The following VTI1A variants were observed in gnomAD, a reference collection of about 807,000 sequenced individuals.
The protein encoded by VTI1A is vesicle transport through interaction with t-SNAREs 1A.
A neutral mutation model predicts 34.9 loss-of-function variants in VTI1A; 22 were observed. That is an observed-to-expected ratio of 0.63 (90% CI 0.45 to 0.90). VTI1A has a LOEUF of 0.90. Ranked by LOEUF, VTI1A falls within the 40% of genes least tolerant of loss-of-function variation. The probability of loss-of-function intolerance (pLI) is 0.00; values close to 1 mark genes in which losing one functional copy is unlikely to be tolerated. For missense variants in VTI1A, 268 were observed against 275.6 expected (o/e 0.97, Z 0.20); for synonymous variants, 87 against 97.3 (o/e 0.89, Z 0.62).
At chr10:112,450,215 G>T (rs1351140047) in intron 1 of VTI1A, 1 of 152,188 alleles carries the variant, frequency 6.6e-6, no homozygotes, top group Non-Finnish European at 1.5e-5. Flanking sequence ...TAAAAACGCA[G>T]TAGTTGCCCT....
At chr10:112,518,080 CA>C (rs1307051558) in intron 3 of VTI1A, among the ~76,000 whole-genome samples, 9 of 151,912 alleles carry the variant, frequency 5.9e-5, no homozygotes, top group African/African-American at 2.2e-4. Flanking sequence ...AAAACATGGC[CA>C]ATAATTTTGA....
At chr10:112,668,164 ACT>A (rs1847711429) in intron 5 of VTI1A, 52 bp from the exon 6 acceptor site, 1 of 1,451,084 alleles carries the variant, frequency 6.9e-7, no homozygotes, top group Admixed American at 1.7e-5. Flanking sequence ...TCTGAGATTT[ACT>A]CTCATATGCA....
intron 5 of VTI1A, among the ~76,000 whole-genome samples, chr10:112,552,049 T>TA (rs1224684093): frequency 6.6e-6 from 1 of 152,250 alleles, no homozygotes; most frequent in African/African-American, 2.4e-5. Flanking sequence ...TGGAGGTTTT[T>TA]AATGCTTTAA....
At chr10:112,578,905 T>C (rs924669816) in intron 5 of VTI1A, among the ~76,000 whole-genome samples, 1 of 152,372 alleles carries the variant, frequency 6.6e-6, no homozygotes, top group African/African-American at 2.4e-5. Flanking sequence ...AGTGGTGATA[T>C]ACTTGTCATT....
chr10:112,742,560 G>A (rs1255525137), intron 7 of VTI1A, among the ~76,000 whole-genome samples: 1 of 152,174 alleles, frequency 6.6e-6, no homozygotes, highest in Non-Finnish European at 1.5e-5. Flanking sequence ...CAAATGTCTC[G>A]AAAGAGTCCA....
intron 7 of VTI1A, among the ~76,000 whole-genome samples, chr10:112,770,496 C>G (rs1319770531): frequency 2.0e-5 from 3 of 151,164 alleles, no homozygotes; most frequent in Non-Finnish European, 2.9e-5. Flanking sequence ...CCCAGGTTCA[C>G]GCCATTCTCC....
intron 7 of VTI1A, among the ~76,000 whole-genome samples, chr10:112,671,634 G>C (rs576360083): frequency 6.6e-6 from 1 of 152,132 alleles, no homozygotes; most frequent in South Asian, 2.1e-4. Flanking sequence ...GCCATTTTAC[G>C]TATGGTCTGT....
chr10:112,623,758 GA>G (rs1394195041), intron 5 of VTI1A, among the ~76,000 whole-genome samples: 1 of 152,102 alleles, frequency 6.6e-6, no homozygotes, highest in East Asian at 1.9e-4. Flanking sequence ...GGAGGGGCTA[GA>G]AAAAAATACT....
At chr10:112,657,807 GTGTGTGTGTGTGTT>G (rs1281945181) in intron 5 of VTI1A, among the ~76,000 whole-genome samples, 3 of 146,006 alleles carry the variant, frequency 2.1e-5, no homozygotes, top group African/African-American at 8.4e-5. Context: ...ACTATATTGT[GTGTGTGTGTGTGTT>G]TGTGTGTGTA....
chr10:112,698,521 T>C (rs1180932032), intron 7 of VTI1A, among the ~76,000 whole-genome samples: 1 of 152,206 alleles, frequency 6.6e-6, no homozygotes, highest in African/African-American at 2.4e-5. Context: ...TTTATTGTGT[T>C]AAGTTAGGAC....
chr10:112,520,483 G>A (rs1195299294), intron 3 of VTI1A, among the ~76,000 whole-genome samples: 2 of 151,940 alleles, frequency 1.3e-5, no homozygotes, highest in Non-Finnish European at 2.9e-5. Context: ...CATAATTTCT[G>A]GGATCTCTGT....
At chr10:112,650,944 A>G (rs989122093) in intron 5 of VTI1A, among the ~76,000 whole-genome samples, 7 of 152,246 alleles carry the variant, frequency 4.6e-5, no homozygotes, top group African/African-American at 9.6e-5. Context: ...TCATCTGTTT[A>G]TATGACTGAT....
At chr10:112,849,389 A>G in the VTI1A span, among the ~76,000 whole-genome samples, 1 of 152,284 alleles carries the variant, frequency 6.6e-6, no homozygotes, top group East Asian at 1.9e-4. Flanking sequence ...CTGAAACCCC[A>G]TTTGTGGAGA....
intron 7 of VTI1A, among the ~76,000 whole-genome samples, chr10:112,715,155 T>A (rs1248802489): frequency 1.3e-5 from 2 of 152,182 alleles, no homozygotes; most frequent in Non-Finnish European, 2.9e-5. Context: ...TTGAGAATAT[T>A]CAAGAACAAA....
intron 7 of VTI1A, among the ~76,000 whole-genome samples, chr10:112,677,122 G>A (rs1360808479): frequency 6.6e-6 from 1 of 152,188 alleles, no homozygotes; most frequent in Non-Finnish European, 1.5e-5. Context: ...GAGAACCTGT[G>A]CAGGGGACGG....
rs548409887 is a variant in VTI1A at position 112,759,518 on chromosome 10, G to A, written c.561-55772G>A. Among the ~76,000 whole-genome samples the A allele has an allele frequency of 2.0e-5, 3 of 152,240 alleles. No individual in the cohort carries two copies. The South Asian group carries it at 6.2e-4, about 32-fold the overall frequency. ...CCGAACCAACGTTTAGCGACACTGC[G>A]TTAGAAAGTATTTTTGTTGGAAACA... On this transcript the variant is annotated intron_variant, in intron 7 of 7. Transcript: ENST00000393077.
chr10:112,494,094 T>G (rs1318372308), intron 3 of VTI1A, among the ~76,000 whole-genome samples: 1 of 152,166 alleles, frequency 6.6e-6, no homozygotes, highest in African/African-American at 2.4e-5. Flanking sequence ...GTCTGAGCTT[T>G]CTGTGTGAAA....
chr10:112,584,288 A>T (rs1252457609), intron 5 of VTI1A, among the ~76,000 whole-genome samples: 1 of 152,208 alleles, frequency 6.6e-6, no homozygotes, highest in Non-Finnish European at 1.5e-5. Context: ...ATCAGAATAG[A>T]TAACAGAAAT....
chr10:112,518,668 T>TATACAC (rs397844776), intron 3 of VTI1A, among the ~76,000 whole-genome samples: 27 of 125,038 alleles, frequency 2.2e-4, no homozygotes, highest in African/African-American at 6.6e-4. Flanking sequence ...TATATATATA[T>TATACAC]ACACACACAC....
Sources: allele counts gnomAD v4.1 joint callset (sites outside exome capture counted in the v4.1 genomes callset), GRCh38; gene constraint gnomAD v4.1.1; transcripts MANE v1.5; gene names NCBI Gene and HGNC (gene_info 2026-07-23, HGNC 2026-07-21).